Variants in DGKB observed in about 807,000 individuals in gnomAD.
DGKB encodes 90 kDa diacylglycerol kinase.
In DGKB, 67 loss-of-function variants were observed where a neutral mutation model predicts 114.3. The observed-to-expected ratio is 0.59, with a 90% confidence interval of 0.48 to 0.72. The LOEUF is 0.72. DGKB is among the 30% of genes least tolerant of loss of function. The probability of loss-of-function intolerance (pLI) is 0.00; values close to 1 mark genes in which losing one functional copy is unlikely to be tolerated. For synonymous variants in DGKB, 398 were observed against 323.1 expected (o/e 1.23, Z -2.49); for missense variants, 907 against 975.2 (o/e 0.93, Z 0.93).
intron 23 of DGKB, among the ~76,000 whole-genome samples, chr7:14,265,786 G>A (rs961873516): frequency 6.6e-6 from 1 of 152,136 alleles, no homozygotes; most frequent in African/African-American, 2.4e-5. Context: ...TATTTTAAAT[G>A]AATGAATTAA....
chr7:14,558,601 T>C (rs1299456772), intron 20 of DGKB, among the ~76,000 whole-genome samples: 1 of 152,202 alleles, frequency 6.6e-6, no homozygotes, highest in African/African-American at 2.4e-5. Flanking sequence ...AAATTGTTCA[T>C]GGATATTCCA....
intron 23 of DGKB, among the ~76,000 whole-genome samples, chr7:14,239,002 A>G (rs1166987629): frequency 6.6e-6 from 1 of 152,044 alleles, no homozygotes; most frequent in Non-Finnish European, 1.5e-5. Context: ...GCATTTTCCA[A>G]GGGAGATAGA....
At position 14,659,367 on chromosome 7, in the gene DGKB, T is replaced by C. The variant is rs974168014; in HGVS notation, c.1134+13562A>G. On this transcript the variant is annotated intron_variant, in intron 13 of 25. Coordinates refer to ENST00000402815, the MANE Select transcript of DGKB (RefSeq NM_001350709.2). ...TATTGATTCTTCCTACCCATGAGCATGGAATGTTCTTCCATTTGTTTGTAT... is the reference window on the plus strand; with the variant it reads ...TATTGATTCTTCCTACCCATGAGCACGGAATGTTCTTCCATTTGTTTGTAT... Among the ~76,000 whole-genome samples, 5 of 152,084 alleles carry C rather than the reference T, an allele frequency of 3.3e-5. No individual in the cohort carries two copies. The South Asian group carries it at 6.2e-4, about 19-fold the overall frequency.
intron 2 of DGKB, among the ~76,000 whole-genome samples, chr7:14,794,110 T>G (rs755292476): frequency 6.6e-6 from 1 of 152,184 alleles, no homozygotes; most frequent in Non-Finnish European, 1.5e-5. Context: ...CTTCTCAGCC[T>G]CTACAATCTT....
chr7:14,525,298 A>G (rs1290799348), intron 20 of DGKB, among the ~76,000 whole-genome samples: 1 of 152,198 alleles, frequency 6.6e-6, no homozygotes, highest in Non-Finnish European at 1.5e-5. Context: ...TTCTTTGTGC[A>G]TGATCCCAAA....
At chr7:14,782,006 T>TA (rs145856142) in intron 2 of DGKB, among the ~76,000 whole-genome samples, 4 of 151,926 alleles carry the variant, frequency 2.6e-5, no homozygotes, top group African/African-American at 7.3e-5. Flanking sequence ...AGCATTTTTT[T>TA]AAAAAAAATA....
intron 2 of DGKB, among the ~76,000 whole-genome samples, chr7:14,771,892 CT>C (rs1178344562): frequency 2.0e-5 from 3 of 152,096 alleles, no homozygotes; most frequent in African/African-American, 7.2e-5. Context: ...TGCTGTCTCC[CT>C]GAAGTCTGAT....
chr7:14,214,346 C>T (rs1788616527), intron 23 of DGKB, among the ~76,000 whole-genome samples: 2 of 152,000 alleles, frequency 1.3e-5, no homozygotes, highest in South Asian at 4.2e-4. Flanking sequence ...TTGGGGATTT[C>T]ATTCATTTAG....
intron 23 of DGKB, among the ~76,000 whole-genome samples, chr7:14,317,981 G>A (rs1425480999): frequency 1.0e-3 from 39 of 38,820 alleles, no homozygotes; most frequent in African/African-American, 1.2e-3. Context: ...AAATAATGCC[G>A]CATATCTACA....
chr7:14,310,088 G>GCT (rs1805121169), intron 23 of DGKB, among the ~76,000 whole-genome samples: 1 of 152,170 alleles, frequency 6.6e-6, no homozygotes, highest in Non-Finnish European at 1.5e-5. Flanking sequence ...GATGAAGGAA[G>GCT]AAGGGAACAA....
At chr7:14,213,931 A>G (rs1289040692) in intron 23 of DGKB, among the ~76,000 whole-genome samples, 3 of 152,090 alleles carry the variant, frequency 2.0e-5, no homozygotes, top group African/African-American at 4.8e-5. Context: ...TTCAGTTTGC[A>G]TTTCCCTAGT....
chr7:14,938,771 T>C (rs1279290505), intron 1 of DGKB, among the ~76,000 whole-genome samples: 1 of 152,216 alleles, frequency 6.6e-6, no homozygotes, highest in Non-Finnish European at 1.5e-5. Context: ...AAATGTAATG[T>C]GTAACTATTT....
At chr7:14,176,445 A>G (rs1584260467) in intron 25 of DGKB, 1 of 988,544 alleles carries the variant, frequency 1.0e-6, no homozygotes, top group African/African-American at 1.7e-5. Flanking sequence ...AAGCTGAGAA[A>G]TAAGTTCACA....
intron 25 of DGKB, among the ~76,000 whole-genome samples, chr7:14,161,486 A>T (rs1390703209): frequency 6.6e-6 from 1 of 151,670 alleles, no homozygotes; most frequent in Non-Finnish European, 1.5e-5. Context: ...TGCAGCCATA[A>T]AAAAGGATGA....
At chr7:14,763,205 T>C (rs1050636422) in intron 2 of DGKB, among the ~76,000 whole-genome samples, 5 of 152,068 alleles carry the variant, frequency 3.3e-5, no homozygotes, top group African/African-American at 9.7e-5. Flanking sequence ...AAGTTCAACA[T>C]AATGTATGGC....
chr7:14,174,760 T>C (rs548954855), intron 25 of DGKB, among the ~76,000 whole-genome samples: 1 of 152,240 alleles, frequency 6.6e-6, no homozygotes, highest in African/African-American at 2.4e-5. Flanking sequence ...TGCAATAGCA[T>C]CACCACCATC....
In DGKB at chr7:14,698,174, A is replaced by C. The variant is rs1824417665; in HGVS notation, c.517-5T>G. The C allele has an allele frequency of 6.7e-7, 1 of 1,492,166 alleles. No individual in the cohort carries two copies. The allele number at this position is 1,492,166 out of a possible 1,614,324, so 92.4% of individuals were successfully genotyped here. A position where few individuals can be genotyped will look rare whatever the true frequency, so the allele number is the denominator to read the frequency against. On this transcript the variant is annotated splice_polypyrimidine_tract_variant and splice_region_variant and intron_variant, in intron 7 of 25. Coordinates refer to ENST00000402815, the MANE Select transcript of DGKB (RefSeq NM_001350709.2). ...ACTGATGATATTTTCTAGCTCCTGGAAGAGAAAGAGAGATAAAAAATATGA... is the reference window on the plus strand; with the variant it reads ...ACTGATGATATTTTCTAGCTCCTGGCAGAGAAAGAGAGATAAAAAATATGA...
chr7:14,524,289 T>C (rs1790272540), intron 20 of DGKB, among the ~76,000 whole-genome samples: 2 of 152,160 alleles, frequency 1.3e-5, no homozygotes, highest in Non-Finnish European at 2.9e-5. Flanking sequence ...CTTCTTTCTC[T>C]CTCCGGGATT....
At chr7:14,359,960 C>A (rs1442009287) in intron 21 of DGKB, among the ~76,000 whole-genome samples, 1 of 152,108 alleles carries the variant, frequency 6.6e-6, no homozygotes, top group East Asian at 1.9e-4. Context: ...GATCCCATTA[C>A]TAGATATATA....
Sources: gnomAD v4.1 joint callset for allele counts (sites outside exome capture counted in the v4.1 genomes callset) on GRCh38, gnomAD v4.1.1 for gene constraint, MANE v1.5 for transcripts, NCBI Gene and HGNC (gene_info 2026-07-23, HGNC 2026-07-21) for gene names.